Variants in DYNC2H1 observed in about 807,000 individuals in gnomAD.
DYNC2H1 encodes cytoplasmic dynein 2 heavy chain 1.
In DYNC2H1, 410 loss-of-function variants were observed where a neutral mutation model predicts 570.0. The observed-to-expected ratio is 0.72, with a 90% CI of 0.66 to 0.78. DYNC2H1 has a LOEUF of 0.78. Ranked by LOEUF, DYNC2H1 falls within the 30% of genes least tolerant of loss-of-function variation. The probability of loss-of-function intolerance (pLI) is 0.00; values close to 1 mark genes in which losing one functional copy is unlikely to be tolerated. For missense variants in DYNC2H1, 4,865 were observed against 5,046.4 expected (o/e 0.96, Z 1.09); for synonymous variants, 1,688 against 1,677.6 (o/e 1.01, Z -0.15).
At chr11:103,351,808 C>A (rs1940070384) in intron 82 of DYNC2H1, among the ~76,000 whole-genome samples, 1 of 151,956 alleles carries the variant, frequency 6.6e-6, no homozygotes, top group Non-Finnish European at 1.5e-5. Flanking sequence ...CCTCATTTTT[C>A]TAGTCTCTGA....
intron 83 of DYNC2H1, among the ~76,000 whole-genome samples, chr11:103,397,608 G>A (rs1278056837): frequency 1.3e-5 from 2 of 152,148 alleles, no homozygotes; most frequent in Admixed American, 6.6e-5. Flanking sequence ...CTTTTAAAAA[G>A]TTTAGGCTGG....
intron 1 of DYNC2H1, among the ~76,000 whole-genome samples, chr11:103,110,606 G>A (rs1858067955): frequency 1.3e-5 from 2 of 151,948 alleles, no homozygotes. Flanking sequence ...CCACTGGCAG[G>A]ATTGCTTAAA....
chr11:103,359,305 T>C (rs930818567), intron 83 of DYNC2H1, among the ~76,000 whole-genome samples: 1 of 152,240 alleles, frequency 6.6e-6, no homozygotes, highest in Non-Finnish European at 1.5e-5. Context: ...TGCAGTCTTC[T>C]ACTAAGCCAC....
chr11:103,233,243 C>T (rs530738402), intron 60 of DYNC2H1, among the ~76,000 whole-genome samples: 1 of 150,818 alleles, frequency 6.6e-6, no homozygotes, highest in Non-Finnish European at 1.5e-5. Flanking sequence ...ATATGTATAG[C>T]ATAAGATTTA....
rs760079601 is a variant in DYNC2H1, at chr11:103,191,578, C to T, written c.7499C>T (p.Thr2500Ile). 1.2e-6 allele frequency: 2 copies of T among 1,610,140 alleles called. No homozygotes were observed. Among genetic ancestry groups the T allele is most frequent in the South Asian group, 1.1e-5 (1 of 90,186 alleles). ...TATTTCTTTACTCCTTGCATTCTTA[C>T]CCAATGGGTTCTTGGCTTATTTAGA... ...SHYFFTPCIL[T>I]QWVLGLFRYD... The change falls in exon 46 of 89, where the codon ACC (threonine) becomes ATC (isoleucine). Residue 2500 changes from threonine (T) to isoleucine (I), a missense_variant. By Grantham distance (89) the Thr-to-Ile change is moderately conservative. Transcript: ENST00000375735.
intron 87 of DYNC2H1, chr11:103,468,270 G>T: frequency 5.9e-6 from 1 of 169,476 alleles, no homozygotes; most frequent in Non-Finnish European, 1.3e-5. Flanking sequence ...CCCTCATGGA[G>T]AAAGAATAAC....
At chr11:103,310,391 T>C (rs11225683) in intron 78 of DYNC2H1, among the ~76,000 whole-genome samples, 8 of 151,954 alleles carry the variant, frequency 5.3e-5, no homozygotes, top group African/African-American at 1.9e-4. Flanking sequence ...TTCATAATTT[T>C]GGCATATTAG....
chr11:103,350,834 C>T (rs1457949122), intron 82 of DYNC2H1, among the ~76,000 whole-genome samples: 1 of 152,030 alleles, frequency 6.6e-6, no homozygotes. Flanking sequence ...AGATCAGGCC[C>T]CGAACCCCTA....
chr11:103,468,544 G>A, intron 87 of DYNC2H1, 45 bp from the exon 88 acceptor site: 1 of 1,394,790 alleles, frequency 7.2e-7, no homozygotes, highest in Non-Finnish European at 1.0e-6. Context: ...TCTGACATTT[G>A]CGACTTTAAT....
chr11:103,226,915 G>A (rs1383485474), intron 59 of DYNC2H1, among the ~76,000 whole-genome samples: 1 of 152,108 alleles, frequency 6.6e-6, no homozygotes, highest in African/African-American at 2.4e-5. Context: ...GTTTAATCTA[G>A]GCGGGTTGTA....
intron 84 of DYNC2H1, among the ~76,000 whole-genome samples, chr11:103,409,324 A>G (rs930816771): frequency 6.6e-6 from 1 of 152,074 alleles, no homozygotes; most frequent in Non-Finnish European, 1.5e-5. Flanking sequence ...GGATATCTTC[A>G]TGTTACTTAT....
intron 59 of DYNC2H1, among the ~76,000 whole-genome samples, chr11:103,223,828 A>C (rs1397873652): frequency 6.7e-6 from 1 of 148,648 alleles, no homozygotes; most frequent in Non-Finnish European, 1.5e-5. Context: ...GCTTACTTCA[A>C]CCTCCGCCTC....
Position 103,189,754 on chromosome 11 carries a change from A to C in DYNC2H1, c.7375A>C (p.Ile2459Leu). 1 of 1,612,306 alleles carries C rather than the reference A, an allele frequency of 6.2e-7. No individual in the cohort carries two copies. ...ACATAAAAATCTGAAGAATCATTCT[A>C]TTTGGGGTTCTTCATCAAAAATTTA... is the stretch of plus-strand genomic sequence containing the variant. ...VLHKNLKNHS[I>L]WGSSSKIYLL... The change falls in exon 45 of 89, where the codon ATT (isoleucine) becomes CTT (leucine). Residue 2459 changes from isoleucine (I) to leucine (L), a missense_variant. Around this residue, in one of 5 missense-constraint regions of DYNC2H1, gnomAD observed 2,401 missense variants for 2,454.6 expected, o/e 0.98. Coordinates refer to ENST00000375735, the MANE Select transcript of DYNC2H1 (RefSeq NM_001377.3). The surrounding 1 kb of genome is among the most constrained non-coding windows in gnomAD (Gnocchi z 4.3).
Position 103,319,494 on chromosome 11 carries a change from G to A in DYNC2H1, c.11726-1535G>A, listed in dbSNP as rs1248025105. Among the ~76,000 whole-genome samples, 1 of 152,060 alleles carries A rather than the reference G, an allele frequency of 6.6e-6. No homozygotes were observed. Among genetic ancestry groups the A allele is most frequent in the Non-Finnish European group, 1.5e-5 (1 of 67,980 alleles). ...CTATCTCAGTTTATTCGAATATCCA[G>A]AAGTTTAAATTACAAAAGCTACATG... On this transcript the variant is annotated intron_variant, in intron 80 of 88. Transcript: ENST00000375735. This position sits in a 1 kb window ranked among gnomAD's most constrained non-coding sequence, Gnocchi z 4.3.
chr11:103,408,466 T>A (rs189948946), intron 84 of DYNC2H1: 6 of 152,172 alleles, frequency 3.9e-5, no homozygotes, highest in African/African-American at 1.4e-4. Flanking sequence ...TCGGGTTGGA[T>A]GTGTGATGAT....
chr11:103,459,238 G>A (rs1190734985), intron 87 of DYNC2H1, among the ~76,000 whole-genome samples: 14 of 143,386 alleles, frequency 9.8e-5, no homozygotes, highest in Non-Finnish European at 2.0e-4. Context: ...GAACCCGGGA[G>A]GCGGAGCTTG....
intron 65 of DYNC2H1, among the ~76,000 whole-genome samples, chr11:103,250,194 T>C (rs1864776585): frequency 6.6e-6 from 1 of 152,012 alleles, no homozygotes; most frequent in South Asian, 2.1e-4. Flanking sequence ...ATAATATATA[T>C]TTTAAATAAT....
chr11:103,470,913 T>A (rs1006918984), intron 88 of DYNC2H1, among the ~76,000 whole-genome samples: 1 of 152,094 alleles, frequency 6.6e-6, no homozygotes, highest in African/African-American at 2.4e-5. Context: ...TGATTTATAA[T>A]CCTTTGGGTA....
chr11:103,220,036 A>T lies in DYNC2H1; in HGVS notation c.8946+8A>T. 1 of 1,366,024 alleles carries T rather than the reference A, an allele frequency of 7.3e-7. No individual in the cohort carries two copies. The highest frequency in any genetic ancestry group is 9.7e-7 in the Non-Finnish European group (1 of 1,026,922). The allele number at this position is 1,366,024 out of a possible 1,614,324, so 84.6% of individuals were successfully genotyped here. On this transcript the variant is annotated splice_region_variant and intron_variant, in intron 56 of 88. Transcript: ENST00000375735. Reference sequence around the variant, plus strand: ...GAATTAAAAGAAGTACAAGTAAGTTAAAAAACATTCTAAGATCCATTTACA... The same window carrying T: ...GAATTAAAAGAAGTACAAGTAAGTTTAAAAACATTCTAAGATCCATTTACA...
Sources: gnomAD v4.1 joint callset for allele counts (sites outside exome capture counted in the v4.1 genomes callset) on GRCh38, gnomAD v4.1.1 for gene constraint, gnomAD v4.1.1 regional missense constraint, Gnocchi (gnomAD v3.1) non-coding constraint, MANE v1.5 for transcripts, NCBI Gene and HGNC (gene_info 2026-07-23, HGNC 2026-07-21) for gene names.